SLC1A1: variants seen among roughly 807,000 people sequenced by gnomAD.
SLC1A1 encodes the protein excitatory amino acid transporter 3.
A neutral mutation model predicts 53.3 loss-of-function variants in SLC1A1; 43 were observed. The observed-to-expected ratio is 0.81, with a 90% CI of 0.63 to 1.04. The LOEUF (loss-of-function observed/expected upper bound fraction) is 1.04, where lower values mean the gene tolerates loss of function less well. SLC1A1 is among the 50% of genes least tolerant of loss of function. SLC1A1 has a pLI of 0.00. For missense variants in SLC1A1, 748 were observed against 664.9 expected, an observed-to-expected ratio of 1.12 and a Z score of -1.37; for synonymous variants, 307 against 243.2, an observed-to-expected ratio of 1.26 and a Z score of -2.44.
At chr9:4,561,015 ACAAC>A (rs1818886899) in intron 2 of SLC1A1, among the ~76,000 whole-genome samples, 1 of 150,544 alleles carries the variant, frequency 6.6e-6, no homozygotes, top group African/African-American at 2.5e-5. Context: ...AAACAAACAA[ACAAC>A]AACAACAACA....
intron 1 of SLC1A1, among the ~76,000 whole-genome samples, chr9:4,505,751 G>A (rs1820786693): frequency 6.6e-6 from 1 of 152,080 alleles, no homozygotes; most frequent in Admixed American, 6.5e-5. Flanking sequence ...TCACCTCCTG[G>A]GTTCAAGCAA....
At chr9:4,559,023 A>G (rs1818686242) in intron 2 of SLC1A1, among the ~76,000 whole-genome samples, 1 of 152,218 alleles carries the variant, frequency 6.6e-6, no homozygotes, top group South Asian at 2.1e-4. Context: ...ATACTTAGCA[A>G]GCTTACATAT....
chr9:4,491,506 C>T (rs1239918125), intron 1 of SLC1A1, among the ~76,000 whole-genome samples: 1 of 152,222 alleles, frequency 6.6e-6, no homozygotes, highest in Non-Finnish European at 1.5e-5. Flanking sequence ...ATGTTTAAGC[C>T]ATCCTTGCCT....
At chr9:4,525,000 G>A (rs1329830922) in intron 1 of SLC1A1, among the ~76,000 whole-genome samples, 1 of 152,148 alleles carries the variant, frequency 6.6e-6, no homozygotes, top group African/African-American at 2.4e-5. Flanking sequence ...TTCAGCATGA[G>A]TTTTGCTGAG....
At chr9:4,564,552 A>G in intron 4 of SLC1A1, 94 bp downstream of exon 4, 3 of 792,566 alleles carry the variant, frequency 3.8e-6, no homozygotes, top group Non-Finnish European at 6.6e-6. Context: ...CTGTATTGAA[A>G]TTTTTAATAA....
At chr9:4,500,833 T>G (rs1820606332) in intron 1 of SLC1A1, among the ~76,000 whole-genome samples, 2 of 152,184 alleles carry the variant, frequency 1.3e-5, no homozygotes, top group Non-Finnish European at 2.9e-5. Context: ...AATATTTCCT[T>G]TCCAATAAAT....
chr9:4,579,231 G>A (rs983919650), intron 10 of SLC1A1, among the ~76,000 whole-genome samples: 3 of 152,180 alleles, frequency 2.0e-5, no homozygotes, highest in Admixed American at 2.0e-4. Flanking sequence ...ACAGCAGAGG[G>A]TATGTCAAAA....
chr9:4,524,422 A>G (rs1816189867), intron 1 of SLC1A1, among the ~76,000 whole-genome samples: 1 of 152,222 alleles, frequency 6.6e-6, no homozygotes, highest in African/African-American at 2.4e-5. Flanking sequence ...CCCAAACTCA[A>G]AAGCAATAAA....
At chr9:4,531,577 G>A (rs1025241631) in intron 1 of SLC1A1, among the ~76,000 whole-genome samples, 9 of 152,196 alleles carry the variant, frequency 5.9e-5, no homozygotes, top group Non-Finnish European at 1.3e-4. Flanking sequence ...ACTGGGTGGA[G>A]CCCACTGCCC....
chr9:4,567,617 TA>T (rs1564051018), intron 5 of SLC1A1, 51 bp from the exon 6 acceptor site: 27 of 1,215,362 alleles, frequency 2.2e-5, no homozygotes, highest in African/African-American at 3.0e-5. Flanking sequence ...CTCAAAAGCT[TA>T]AAAAAAATTC....
In SLC1A1 at chr9:4,556,668, T is replaced by C. The variant is rs574533617; in HGVS notation, c.233-4781T>C. 1.3e-3 allele frequency among the ~76,000 whole-genome samples: 198 copies of C among 152,278 alleles called. 1 individual carries two copies. Among genetic ancestry groups the C allele is most frequent in the Non-Finnish European group, 2.2e-3 (153 of 68,040 alleles). ...TCGACGTCAACGCCAGTTAAGAGTCTAATGCCTGGATTCTCATTCTCACAG... is the reference window on the plus strand; with the variant it reads ...TCGACGTCAACGCCAGTTAAGAGTCCAATGCCTGGATTCTCATTCTCACAG... On this transcript the variant is annotated intron_variant, in intron 2 of 11. Transcript: ENST00000262352. The surrounding 1 kb of genome is among the most constrained non-coding windows in gnomAD (Gnocchi z 4.1).
At position 4,556,551 on chromosome 9, in the gene SLC1A1, A is replaced by G. The variant is rs1214560569; in HGVS notation, c.233-4898A>G. Among the ~76,000 whole-genome samples the G allele has an allele frequency of 6.6e-6, 1 of 152,178 alleles. No individual in the cohort carries two copies. Among genetic ancestry groups the G allele is most frequent in the Non-Finnish European group, 1.5e-5 (1 of 68,034 alleles). ...CGCCAGCCACCAAAGATGGCCTGAG[A>G]GCAAGAAACCCGGGGGTCCATTGAG... On this transcript the variant is annotated intron_variant, in intron 2 of 11. Transcript: ENST00000262352. This position sits in a 1 kb window ranked among gnomAD's most constrained non-coding sequence, Gnocchi z 4.1.
At chr9:4,508,298 G>A (rs914560197) in intron 1 of SLC1A1, among the ~76,000 whole-genome samples, 10 of 152,164 alleles carry the variant, frequency 6.6e-5, no homozygotes, top group African/African-American at 2.4e-4. Flanking sequence ...TATGTATCTC[G>A]GGAAATAATC....
intron 1 of SLC1A1, among the ~76,000 whole-genome samples, chr9:4,527,360 G>C (rs1816299746): frequency 6.6e-6 from 1 of 152,166 alleles, no homozygotes; most frequent in Non-Finnish European, 1.5e-5. Context: ...GTTGTTTTAA[G>C]CTACTAAATT....
At chr9:4,512,127 A>T (rs1821018821) in intron 1 of SLC1A1, among the ~76,000 whole-genome samples, 1 of 152,246 alleles carries the variant, frequency 6.6e-6, no homozygotes, top group South Asian at 2.1e-4. Context: ...TAATGATGTC[A>T]GTTCTCCCAT....
At chr9:4,542,903 T>A (rs1817140933) in intron 1 of SLC1A1, among the ~76,000 whole-genome samples, 1 of 152,192 alleles carries the variant, frequency 6.6e-6, no homozygotes, top group Non-Finnish European at 1.5e-5. Flanking sequence ...TGGGAAATGT[T>A]TATATGTTTG....
chr9:4,531,241 G>A (rs1011195836), intron 1 of SLC1A1, among the ~76,000 whole-genome samples: 4 of 152,242 alleles, frequency 2.6e-5, no homozygotes, highest in Non-Finnish European at 5.9e-5. Flanking sequence ...CCGTGCGTGA[G>A]CCGAAGCAGG....
chr9:4,506,989 C>T (rs977656974), intron 1 of SLC1A1, among the ~76,000 whole-genome samples: 7 of 152,118 alleles, frequency 4.6e-5, no homozygotes, highest in African/African-American at 9.6e-5. Flanking sequence ...CCCAGCACTT[C>T]GGGAGGCCGA....
chr9:4,585,391 C>A lies in SLC1A1; in HGVS notation c.1408C>A (p.Leu470Met), dbSNP rs1821499206. Residue 470 changes from leucine to methionine, a missense_variant, in exon 12 of 12, where the codon CTG becomes ATG. Transcript: ENST00000262352. Reference sequence around the variant, plus strand: ...TGTGGAAAAGCTCTCCAAGAAGGAGCTGGAGCAGATGGATGTTTCATCTGA... The same window carrying A: ...TGTGGAAAAGCTCTCCAAGAAGGAGATGGAGCAGATGGATGTTTCATCTGA... ...GIVEKLSKKELEQMDVSSEVN... is the reference protein window; with the variant it reads ...GIVEKLSKKEMEQMDVSSEVN... The A allele has an allele frequency of 2.5e-6, 4 of 1,614,208 alleles. No individual in the cohort carries two copies. In the South Asian group the frequency reaches 3.3e-5, roughly 13 times the overall value.
Sources: allele counts gnomAD v4.1 joint callset (sites outside exome capture counted in the v4.1 genomes callset), GRCh38; gene constraint gnomAD v4.1.1; non-coding constraint Gnocchi (gnomAD v3.1); transcripts MANE v1.5; gene names NCBI Gene and HGNC (gene_info 2026-07-23, HGNC 2026-07-21).